The following SPOCK3 variants were observed in gnomAD, a reference collection of about 807,000 sequenced individuals.
The protein encoded by SPOCK3 is SPARC (osteonectin), cwcv and kazal like domains proteoglycan 3.
Under a neutral mutation model 56.6 loss-of-function variants are expected in SPOCK3, and 30 were observed. The ratio of observed to expected loss-of-function variants is 0.53; its 90% CI spans 0.40 to 0.72. The LOEUF is 0.72. SPOCK3 is among the 30% of genes least tolerant of loss of function. SPOCK3 has a pLI of 0.00. For synonymous variants in SPOCK3, 196 were observed against 183.3 expected (o/e 1.07, Z -0.56); for missense variants, 527 against 530.0 (o/e 0.99, Z 0.06).
intron 6 of SPOCK3, among the ~76,000 whole-genome samples, chr4:166,869,601 G>A (rs1417427495): frequency 1.4e-5 from 2 of 140,524 alleles, no homozygotes; most frequent in Non-Finnish European, 3.1e-5. Flanking sequence ...ATAACCAATA[G>A]AATTCTGTGT....
chr4:167,062,798 T>C, intron 2 of SPOCK3: 1 of 473,356 alleles, frequency 2.1e-6, no homozygotes, highest in Admixed American at 3.8e-5. Context: ...TGCAAGTCAA[T>C]GGTTACTATA....
At chr4:166,767,297 C>T (rs998835209) in intron 7 of SPOCK3, among the ~76,000 whole-genome samples, 1 of 151,708 alleles carries the variant, frequency 6.6e-6, no homozygotes, top group African/African-American at 2.4e-5. Context: ...TCAATTTTAG[C>T]TCTTTCCTGC....
chr4:167,232,227 T>C (rs956051548), intron 2 of SPOCK3, among the ~76,000 whole-genome samples: 1 of 152,082 alleles, frequency 6.6e-6, no homozygotes, highest in Admixed American at 6.5e-5. Flanking sequence ...AATAAGAGAA[T>C]ACTAAGTTAT....
chr4:167,070,577 C>T (rs1580197579), intron 2 of SPOCK3, among the ~76,000 whole-genome samples: 1 of 151,936 alleles, frequency 6.6e-6, no homozygotes, highest in East Asian at 1.9e-4. Flanking sequence ...TTTATTGCTT[C>T]CTGTATTTTG....
chr4:167,002,192 G>T (rs570919646), intron 3 of SPOCK3, among the ~76,000 whole-genome samples: 2 of 151,928 alleles, frequency 1.3e-5, no homozygotes, highest in South Asian at 4.1e-4. Context: ...CTCCTGACCC[G>T]AAATGATCCA....
chr4:167,070,765 G>T (rs1451660369), intron 2 of SPOCK3, among the ~76,000 whole-genome samples: 1 of 151,908 alleles, frequency 6.6e-6, no homozygotes, highest in Admixed American at 6.6e-5. Context: ...TTTCACAAAA[G>T]AGGAAACTTT....
intron 4 of SPOCK3, among the ~76,000 whole-genome samples, chr4:166,973,908 T>A (rs577005873): frequency 1.1e-4 from 16 of 152,274 alleles, no homozygotes; most frequent in South Asian, 8.3e-4. Context: ...TACACATTTT[T>A]AAAAAAATCT....
At chr4:166,897,161 A>G (rs1735481091) in intron 5 of SPOCK3, among the ~76,000 whole-genome samples, 2 of 152,126 alleles carry the variant, frequency 1.3e-5, no homozygotes, top group Admixed American at 1.3e-4. Context: ...CATATTAATC[A>G]TTATGTAGTA....
At chr4:166,748,752 A>C (rs1735977013) in intron 8 of SPOCK3, among the ~76,000 whole-genome samples, 1 of 137,382 alleles carries the variant, frequency 7.3e-6, no homozygotes. Context: ...CAAAGGGCTA[A>C]CATCCAGAAT....
chr4:166,843,636 C>T (rs1747743645), intron 6 of SPOCK3, among the ~76,000 whole-genome samples: 1 of 152,164 alleles, frequency 6.6e-6, no homozygotes, highest in African/African-American at 2.4e-5. Context: ...CGACCCTAGC[C>T]CTGGCCCATG....
rs1011843316 is a variant in SPOCK3, at chr4:166,737,588, C to T, written c.1011G>A (p.Leu337=). The T allele has an allele frequency of 5.0e-6, 8 of 1,612,444 alleles. No homozygotes were observed. Among genetic ancestry groups the T allele is most frequent in the Non-Finnish European group, 6.8e-6 (8 of 1,179,210 alleles). ...GCTTGTAGTAACCATCTTCATCACA[C>T]AGGGGGATATACTGTCCTGTTGAAA... ...VKKLLGQYIP[L]CDEDGYYKPT... The change falls in exon 10 of 11, where the codon CTG becomes CTA. Residue 337 remains leucine (L), a synonymous_variant. Coordinates refer to ENST00000357545, the MANE Select transcript of SPOCK3 (RefSeq NM_001040159.2).
intron 2 of SPOCK3, among the ~76,000 whole-genome samples, chr4:167,147,725 T>C (rs1468965009): frequency 6.6e-6 from 1 of 152,020 alleles, no homozygotes; most frequent in East Asian, 1.9e-4. Context: ...AACCAAACAC[T>C]GCATGTTCTC....
At chr4:167,149,871 T>G (rs1000086482) in intron 2 of SPOCK3, among the ~76,000 whole-genome samples, 3 of 151,398 alleles carry the variant, frequency 2.0e-5, no homozygotes, top group African/African-American at 7.3e-5. Context: ...ACACATATAC[T>G]AAAAGTATAG....
intron 2 of SPOCK3, among the ~76,000 whole-genome samples, chr4:167,183,719 C>T (rs1362649763): frequency 6.6e-6 from 1 of 152,102 alleles, no homozygotes; most frequent in African/African-American, 2.4e-5. Flanking sequence ...TAAAAGCTAT[C>T]CTTTGAAAAA....
At chr4:166,832,853 G>A (rs1351287869) in intron 6 of SPOCK3, among the ~76,000 whole-genome samples, 5 of 152,102 alleles carry the variant, frequency 3.3e-5, no homozygotes, top group Non-Finnish European at 7.4e-5. Flanking sequence ...GTAAATACTG[G>A]GTAAGCATGG....
At chr4:166,833,402 T>G (rs1340982923) in intron 6 of SPOCK3, among the ~76,000 whole-genome samples, 2 of 152,160 alleles carry the variant, frequency 1.3e-5, no homozygotes, top group African/African-American at 4.8e-5. Flanking sequence ...ACTTATTGAT[T>G]TTCTCAATTT....
chr4:166,956,211 C>CCA (rs955686304), intron 4 of SPOCK3, among the ~76,000 whole-genome samples: 3 of 132,196 alleles, frequency 2.3e-5, no homozygotes, highest in Admixed American at 1.4e-4. Flanking sequence ...TAATATTAAA[C>CCA]CACACACATA....
intron 4 of SPOCK3, among the ~76,000 whole-genome samples, chr4:166,942,431 G>T (rs1163125905): frequency 1.4e-5 from 2 of 145,776 alleles, no homozygotes; most frequent in Non-Finnish European, 1.5e-5. Context: ...GGATGGTCTC[G>T]ATCTCCTGAC....
rs1038315567 is a variant in SPOCK3 at position 166,840,886 on chromosome 4, C to T, written c.589+48244G>A. On this transcript the variant is annotated intron_variant, in intron 6 of 10. Coordinates refer to ENST00000357545, the MANE Select transcript of SPOCK3 (RefSeq NM_001040159.2). ...GTCCGCCTCCCGGGTTCATGCCATT[C>T]TCCTACCTCAGCCTCCCGAGTAGCT... is the stretch of plus-strand genomic sequence containing the variant. Among the ~76,000 whole-genome samples the T allele has an allele frequency of 2.0e-5, 3 of 147,502 alleles. No individual in the cohort carries two copies. In the Admixed American group the frequency reaches 2.1e-4, roughly 10 times the overall value.
Sources: allele counts gnomAD v4.1 joint callset (sites outside exome capture counted in the v4.1 genomes callset), GRCh38; gene constraint gnomAD v4.1.1; transcripts MANE v1.5; gene names NCBI Gene and HGNC (gene_info 2026-07-23, HGNC 2026-07-21).